DAAM2: variants seen among roughly 807,000 people sequenced by gnomAD.
The protein encoded by DAAM2 is disheveled-associated activator of morphogenesis 2.
DAAM2 carries 39 observed loss-of-function variants against 120.7 expected under a neutral mutation model. The ratio of observed to expected loss-of-function variants is 0.32; its 90% CI spans 0.25 to 0.42. The LOEUF is 0.42. DAAM2 is among the 10% of genes least tolerant of loss of function. The pLI is 1.00. For synonymous variants in DAAM2, 488 were observed against 524.9 expected (o/e 0.93, Z 0.96); for missense variants, 1,283 against 1,401.7 (o/e 0.92, Z 1.35).
intron 1 of DAAM2, among the ~76,000 whole-genome samples, chr6:39,804,001 G>C (rs1761939374): frequency 6.6e-6 from 1 of 152,274 alleles, no homozygotes; most frequent in Non-Finnish European, 1.5e-5. Context: ...GGGCAGCCTG[G>C]GACAATGCTC....
rs1005639151 is a variant in DAAM2 at position 39,827,270 on chromosome 6, G to A, written c.-56-28977G>A. ...CCTGCTTCTTGGGCCTCAGTTTCTCGCCTGTAAAGCGGTCTTTAAATGGTA... is the reference window on the plus strand; with the variant it reads ...CCTGCTTCTTGGGCCTCAGTTTCTCACCTGTAAAGCGGTCTTTAAATGGTA... On this transcript the variant is annotated intron_variant, in intron 1 of 24. Transcript: ENST00000274867. Among the ~76,000 whole-genome samples, 18 of 152,018 alleles carry A rather than the reference G, an allele frequency of 1.2e-4. 1 individual carries two copies. The highest frequency in any genetic ancestry group is 4.1e-4 in the South Asian group (2 of 4,822).
chr6:39,866,746 C>G (rs767880046), intron 5 of DAAM2, among the ~76,000 whole-genome samples: 1 of 152,154 alleles, frequency 6.6e-6, no homozygotes, highest in Non-Finnish European at 1.5e-5. Context: ...TTTTGAAGTA[C>G]TGAGGAGTGT....
At chr6:39,852,813 C>G (rs1266261515) in intron 1 of DAAM2, among the ~76,000 whole-genome samples, 1 of 152,174 alleles carries the variant, frequency 6.6e-6, no homozygotes, top group African/African-American at 2.4e-5. Context: ...GCTCCCTACC[C>G]CACCCTGCTA....
At chr6:39,812,585 C>T (rs1762195009) in intron 1 of DAAM2, among the ~76,000 whole-genome samples, 1 of 150,902 alleles carries the variant, frequency 6.6e-6, no homozygotes, top group Middle Eastern at 3.4e-3. Flanking sequence ...TCAGTATCCC[C>T]CGCCTCCCCA....
intron 11 of DAAM2, among the ~76,000 whole-genome samples, chr6:39,876,398 T>C (rs1764869114): frequency 6.6e-6 from 1 of 152,224 alleles, no homozygotes; most frequent in Non-Finnish European, 1.5e-5. Flanking sequence ...GTAGTTAAAA[T>C]CCTAATTGGT....
chr6:39,892,409 G>A (rs1582756066), intron 19 of DAAM2, among the ~76,000 whole-genome samples: 2 of 152,216 alleles, frequency 1.3e-5, no homozygotes, highest in Admixed American at 6.5e-5. Flanking sequence ...ACACTGGTGA[G>A]TGGTGGAACC....
At chr6:39,870,292 G>A (rs1403320458) in intron 7 of DAAM2, 48 bp from the exon 8 acceptor site, 2 of 1,235,788 alleles carry the variant, frequency 1.6e-6, no homozygotes, top group Admixed American at 4.0e-5. Flanking sequence ...GGATGTTGTG[G>A]AAACTGAGAT....
At chr6:39,857,557 A>G (rs1200073252) in intron 2 of DAAM2, among the ~76,000 whole-genome samples, 2 of 152,210 alleles carry the variant, frequency 1.3e-5, no homozygotes, top group African/African-American at 4.8e-5. Flanking sequence ...GCTAGTGTAG[A>G]ATAATATCTG....
intron 11 of DAAM2, among the ~76,000 whole-genome samples, chr6:39,876,673 C>T (rs951136287): frequency 2.0e-5 from 3 of 152,076 alleles, no homozygotes; most frequent in Admixed American, 6.6e-5. Flanking sequence ...CTTTCTCCTC[C>T]ACCAGCTGGG....
chr6:39,797,414 C>T (rs893585627), intron 1 of DAAM2, among the ~76,000 whole-genome samples: 18 of 152,206 alleles, frequency 1.2e-4, no homozygotes, highest in African/African-American at 2.4e-5. Flanking sequence ...ATATTAACCA[C>T]ATTTCACAGC....
intron 1 of DAAM2, among the ~76,000 whole-genome samples, chr6:39,841,336 T>A (rs1267935685): frequency 7.4e-5 from 7 of 94,612 alleles, no homozygotes; most frequent in Admixed American, 3.9e-4. Flanking sequence ...GGGCGAGGGT[T>A]CCAGGGGGAG....
chr6:39,854,540 G>T (rs1763928270), intron 1 of DAAM2, among the ~76,000 whole-genome samples: 1 of 152,150 alleles, frequency 6.6e-6, no homozygotes, highest in Admixed American at 6.5e-5. Flanking sequence ...AATGGAGCTG[G>T]TAAAAAATTC....
Position 39,875,485 on chromosome 6 carries a change from C to A in DAAM2, c.1301+17C>A. On this transcript the variant is annotated intron_variant, in intron 11 of 24. Transcript: ENST00000274867. ...CGTCAACATGTGAGCAGTGGCCAGC[C>A]TTTGCCCTGTCTTCCTCCACCTTCC... 1 of 1,608,540 alleles carries A rather than the reference C, an allele frequency of 6.2e-7. No individual in the cohort carries two copies. Among genetic ancestry groups the A allele is most frequent in the Non-Finnish European group, 8.5e-7 (1 of 1,176,580 alleles).
chr6:39,861,066 G>A, intron 3 of DAAM2, 49 bp downstream of exon 3: 1 of 1,477,986 alleles, frequency 6.8e-7, no homozygotes, highest in South Asian at 1.2e-5. Context: ...ATGGCATGGG[G>A]TGGCTCTTGC....
At chr6:39,825,907 A>T (rs1432724236) in intron 1 of DAAM2, among the ~76,000 whole-genome samples, 3 of 152,220 alleles carry the variant, frequency 2.0e-5, no homozygotes, top group Non-Finnish European at 4.4e-5. Context: ...ATCATTGCTA[A>T]ATGGCCCAGC....
At chr6:39,813,268 T>C (rs1297654784) in intron 1 of DAAM2, among the ~76,000 whole-genome samples, 1 of 152,136 alleles carries the variant, frequency 6.6e-6, no homozygotes, top group East Asian at 1.9e-4. Flanking sequence ...AAGAGCCCTC[T>C]AGTGAGTTTT....
At chr6:39,874,825 A>G (rs1264838517) in intron 10 of DAAM2, among the ~76,000 whole-genome samples, 6 of 152,214 alleles carry the variant, frequency 3.9e-5, no homozygotes, top group African/African-American at 1.4e-4. Flanking sequence ...CTCGAGTTCC[A>G]TTAAGCACTT....
intron 1 of DAAM2, among the ~76,000 whole-genome samples, chr6:39,808,484 C>T (rs1762075044): frequency 6.6e-6 from 1 of 152,212 alleles, no homozygotes; most frequent in Non-Finnish European, 1.5e-5. Flanking sequence ...ACAGCCATTG[C>T]TCTGTTCCTT....
At chr6:39,886,901 C>A (rs1396403232) in intron 15 of DAAM2, 4 of 159,984 alleles carry the variant, frequency 2.5e-5, no homozygotes, top group Non-Finnish European at 4.1e-5. Context: ...AATGATTTCT[C>A]CAGAATCTGC....
Sources: gnomAD v4.1 joint callset for allele counts (sites outside exome capture counted in the v4.1 genomes callset) on GRCh38, gnomAD v4.1.1 for gene constraint, MANE v1.5 for transcripts, NCBI Gene and HGNC (gene_info 2026-07-23, HGNC 2026-07-21) for gene names.